FAM227B: variants seen among roughly 807,000 people sequenced by gnomAD.
FAM227B encodes protein FAM227B.
Under a neutral mutation model 73.8 loss-of-function variants are expected in FAM227B, and 88 were observed. That is an observed-to-expected ratio of 1.19 (90% confidence interval 1.00 to 1.42). The LOEUF is 1.42. Among genes scored for constraint, FAM227B ranks in the 40% most tolerant of loss-of-function variants. The pLI, the probability that FAM227B is intolerant of heterozygous loss-of-function variation, is 0.00. For missense variants in FAM227B, 632 were observed against 590.9 expected (o/e 1.07, Z -0.72); for synonymous variants, 210 against 190.5 (o/e 1.10, Z -0.84).
chr15:49,609,015 G>A (rs2077711296), intron 3 of FAM227B, among the ~76,000 whole-genome samples: 1 of 151,924 alleles, frequency 6.6e-6, no homozygotes, highest in Admixed American at 6.6e-5. Context: ...TTCCTTAAGA[G>A]TAGAATCTTT....
intron 9 of FAM227B, among the ~76,000 whole-genome samples, chr15:49,543,007 C>T (rs1007881377): frequency 5.9e-5 from 9 of 152,008 alleles, no homozygotes; most frequent in Admixed American, 4.6e-4. Flanking sequence ...GTCTTCTTTT[C>T]CTCTGGGTAG....
chr15:49,382,460 C>T (rs1386239402), intron 11 of FAM227B, among the ~76,000 whole-genome samples: 1 of 152,056 alleles, frequency 6.6e-6, no homozygotes, highest in African/African-American at 2.4e-5. Context: ...CTCTACCACA[C>T]CACATATTGA....
intron 11 of FAM227B, among the ~76,000 whole-genome samples, chr15:49,392,061 C>A (rs1176784508): frequency 6.6e-6 from 1 of 152,022 alleles, no homozygotes; most frequent in Admixed American, 6.6e-5. Flanking sequence ...AAGAATACAG[C>A]CTTTAACAGT....
chr15:49,578,497 G>T (rs2075610107), intron 5 of FAM227B, among the ~76,000 whole-genome samples: 1 of 152,052 alleles, frequency 6.6e-6, no homozygotes, highest in Admixed American at 6.6e-5. Context: ...TAGATAGCAG[G>T]TTAATTTCCA....
At chr15:49,608,012 T>C (rs557679318) in intron 3 of FAM227B, among the ~76,000 whole-genome samples, 1 of 152,282 alleles carries the variant, frequency 6.6e-6, no homozygotes, top group African/African-American at 2.4e-5. Flanking sequence ...AACTAGCAGC[T>C]AACAGGCAGA....
intron 3 of FAM227B, among the ~76,000 whole-genome samples, chr15:49,605,045 T>G (rs1469598282): frequency 6.6e-6 from 1 of 151,736 alleles, no homozygotes; most frequent in Non-Finnish European, 1.5e-5. Context: ...TCTATTTTTT[T>G]AGGTAACTGA....
chr15:49,357,145 A>C (rs1446654338), intron 13 of FAM227B, among the ~76,000 whole-genome samples: 1 of 150,696 alleles, frequency 6.6e-6, no homozygotes, highest in African/African-American at 2.4e-5. Context: ...AAGATCCAAA[A>C]TTGACACCCT....
intron 9 of FAM227B, among the ~76,000 whole-genome samples, chr15:49,562,893 T>A (rs1029211202): frequency 5.3e-5 from 8 of 152,000 alleles, no homozygotes; most frequent in African/African-American, 1.9e-4. Flanking sequence ...GCCAATATCA[T>A]ACTAAAAGGG....
chr15:49,562,544 A>T (rs1222374461), intron 9 of FAM227B, among the ~76,000 whole-genome samples: 1 of 151,938 alleles, frequency 6.6e-6, no homozygotes, highest in Non-Finnish European at 1.5e-5. Context: ...GAAAAGACAA[A>T]AGGAAAAAAA....
chr15:49,509,540 T>C (rs1298120938), intron 10 of FAM227B, among the ~76,000 whole-genome samples: 1 of 151,740 alleles, frequency 6.6e-6, no homozygotes, highest in Non-Finnish European at 1.5e-5. Context: ...TTTAACATGG[T>C]GCCTGATCCC....
At chr15:49,553,265 T>C (rs2073252230) in intron 9 of FAM227B, among the ~76,000 whole-genome samples, 1 of 152,196 alleles carries the variant, frequency 6.6e-6, no homozygotes, top group Non-Finnish European at 1.5e-5. Flanking sequence ...CCTCCCTTAC[T>C]TTATCCCAAA....
intron 3 of FAM227B, among the ~76,000 whole-genome samples, 161 bp downstream of exon 3, chr15:49,611,054 T>C (rs549789386): frequency 2.0e-4 from 31 of 152,144 alleles, no homozygotes; most frequent in Non-Finnish European, 4.0e-4. Flanking sequence ...GACTACAACA[T>C]AGAGCCTACT....
Position 49,328,086 on chromosome 15 carries a change from G to A in FAM227B, c.*482C>T, listed in dbSNP as rs2037844170. The stretch of plus-strand genomic sequence containing the variant: ...GCTTATTACCAGAGGAGTGATGGAA[G>A]CTTAGCACCGGAGAAGCAAAGTTTG... On this transcript the variant is annotated 3_prime_UTR_variant, in exon 16 of 16. Transcript: ENST00000299338. The A allele has an allele frequency of 6.2e-7, 1 of 1,614,098 alleles. No homozygotes were observed. Among genetic ancestry groups the A allele is most frequent in the Non-Finnish European group, 8.5e-7 (1 of 1,179,986 alleles).
intron 11 of FAM227B, among the ~76,000 whole-genome samples, chr15:49,501,379 G>A (rs1008247138): frequency 1.3e-5 from 2 of 152,198 alleles, no homozygotes; most frequent in African/African-American, 4.8e-5. Flanking sequence ...CTGGAGCAAA[G>A]GTCATCTGTG....
chr15:49,477,060 G>GAAA (rs745520773), intron 11 of FAM227B, among the ~76,000 whole-genome samples: 42,658 of 129,838 alleles, frequency 0.33, 7,131 homozygotes, highest in African/African-American at 0.44. Flanking sequence ...ACTCTGTCTC[G>GAAA]AAAAAAAAAA....
chr15:49,517,229 T>C (rs2059436507), intron 10 of FAM227B, among the ~76,000 whole-genome samples: 1 of 152,094 alleles, frequency 6.6e-6, no homozygotes. Flanking sequence ...ATTTTAGTTG[T>C]GAAAAAATGA....
intron 9 of FAM227B, among the ~76,000 whole-genome samples, chr15:49,550,651 G>A (rs1470547233): frequency 4.0e-5 from 6 of 151,362 alleles, no homozygotes; most frequent in East Asian, 2.0e-4. Flanking sequence ...GTGGGGCGGC[G>A]GGGCAGAGGC....
intron 11 of FAM227B, among the ~76,000 whole-genome samples, chr15:49,455,795 A>T (rs564751125): frequency 6.6e-6 from 1 of 152,146 alleles, no homozygotes; most frequent in Admixed American, 6.6e-5. Context: ...GAAATTTTTC[A>T]GTTTGTCTCA....
At chr15:49,552,925 G>C (rs2073205673) in intron 9 of FAM227B, among the ~76,000 whole-genome samples, 1 of 151,920 alleles carries the variant, frequency 6.6e-6, no homozygotes, top group Non-Finnish European at 1.5e-5. Flanking sequence ...TTTAAGTTTT[G>C]TTTCAAAGGT....
Sources: allele counts gnomAD v4.1 joint callset (sites outside exome capture counted in the v4.1 genomes callset), GRCh38; gene constraint gnomAD v4.1.1; transcripts MANE v1.5; gene names NCBI Gene and HGNC (gene_info 2026-07-23, HGNC 2026-07-21).